GNAS: variants seen among roughly 807,000 people sequenced by gnomAD.
The protein encoded by GNAS is GNAS complex locus, also known as protein ALEX.
GNAS carries 8 observed loss-of-function variants against 54.5 expected under a neutral mutation model. That is an observed-to-expected ratio of 0.15 (90% confidence interval 0.09 to 0.26). The LOEUF (loss-of-function observed/expected upper bound fraction) is 0.26. Ranked by LOEUF, GNAS falls within the 10% of genes least tolerant of loss-of-function variation. GNAS has a pLI of 1.00. For synonymous variants in GNAS, 204 were observed against 191.4 expected, an observed-to-expected ratio of 1.07 and a Z score of -0.54; for missense variants, 170 against 529.8, an observed-to-expected ratio of 0.32 and a Z score of 6.67.
chr20:58,893,650 A>G (rs2089748330), intron 1 of GNAS, among the ~76,000 whole-genome samples: 2 of 152,226 alleles, frequency 1.3e-5, no homozygotes, highest in Admixed American at 6.5e-5. Context: ...TGCATTTGCA[A>G]TTTCAGTAAT....
rs1356755098 is a variant in GNAS, at chr20:58,853,253, C to G, written c.43+12367C>G. Reference sequence around the variant, plus strand: ...GGAGCCCCAAACTTATTTTGAGAGGCCGCCACCGTGTTATGGGCGTGCGCA... The same window carrying G: ...GGAGCCCCAAACTTATTTTGAGAGGGCGCCACCGTGTTATGGGCGTGCGCA... On this transcript the variant is annotated intron_variant, in intron 1 of 12. Coordinates refer to the GNAS transcript ENST00000306090. The surrounding 1 kb of genome is among the most constrained non-coding windows in gnomAD (Gnocchi z 4.4). 6.5e-7 allele frequency: 1 copy of G among 1,528,158 alleles called. No individual in the cohort carries two copies. The highest frequency in any genetic ancestry group is 8.8e-7 in the Non-Finnish European group (1 of 1,132,022). 94.7% of individuals were successfully genotyped at this position (1,528,158 alleles called of 1,614,324 possible). A position where few individuals can be genotyped will look rare whatever the true frequency, so the allele number is the denominator to read the frequency against.
intron 1 of GNAS, among the ~76,000 whole-genome samples, chr20:58,849,084 C>T (rs1312663252): frequency 6.6e-6 from 1 of 152,074 alleles, no homozygotes; most frequent in Non-Finnish European, 1.5e-5. Flanking sequence ...AGATTTTGCC[C>T]CCCAGAGGAC....
rs774711025 is a variant in GNAS at position 58,891,852 on chromosome 20, C to CCTG, written c.136_138dup (p.Leu46dup). On this transcript the variant is annotated inframe_insertion, in exon 1 of 13. Coordinates refer to ENST00000371085, the MANE Select transcript of GNAS (RefSeq NM_000516.7). ...AGCAGGTCTACCGGGCCACGCACCG[C>CCTG]CTGCTGCTGCTGGGTAAGGGCGGGC... The CCTG allele has an allele frequency of 8.1e-7, 1 of 1,231,554 alleles. No individual in the cohort carries two copies. The highest frequency in any genetic ancestry group is 1.1e-6 in the Non-Finnish European group (1 of 947,210). The allele number at this position is 1,231,554 out of a possible 1,614,324, so 76.3% of individuals were successfully genotyped here. A position where few individuals can be genotyped will look rare whatever the true frequency, so the allele number is the denominator to read the frequency against.
chr20:58,891,201 C>T (rs1184214764), upstream of GNAS: 2 of 149,332 alleles, frequency 1.3e-5, no homozygotes, highest in African/African-American at 4.9e-5. Context: ...TCCCCGGGCT[C>T]CCGGGGGGCC....
rs995854794 is a variant in GNAS, at chr20:58,909,510, C to T, written c.660-11C>T. The T allele has an allele frequency of 3.7e-6, 6 of 1,613,974 alleles. No homozygotes were observed. The African/African-American group carries it at 6.7e-5, about 18-fold the overall frequency. Reference sequence around the variant, plus strand: ...CCCTCTGGAATAACCAGCTGTCCTCCTCCCCACCAGCATGTTTGACGTGGG... The same window carrying T: ...CCCTCTGGAATAACCAGCTGTCCTCTTCCCCACCAGCATGTTTGACGTGGG... On this transcript the variant is annotated splice_polypyrimidine_tract_variant and intron_variant, in intron 8 of 12. Transcript: ENST00000371085. This position sits in a 1 kb window ranked among gnomAD's most constrained non-coding sequence, Gnocchi z 7.3.
chr20:58,910,733 C>T lies in GNAS; in HGVS notation c.1089C>T (p.Phe363=), dbSNP rs1428063344. The change falls in exon 13 of 13, where the codon TTC becomes TTT. Residue 363 remains phenylalanine, a synonymous_variant. Transcript: ENST00000371085. The surrounding 1 kb of genome is among the most constrained non-coding windows in gnomAD (Gnocchi z 5.8). ...GDGRHYCYPH[F]TCAVDTENIR... ...GGCGTCACTACTGCTACCCTCATTT[C>T]ACCTGCGCTGTGGACACTGAGAACA... The T allele has an allele frequency of 6.2e-7, 1 of 1,614,142 alleles. No homozygotes were observed. Among genetic ancestry groups the T allele is most frequent in the Admixed American group, 1.7e-5 (1 of 60,026 alleles).
In GNAS at chr20:58,841,874, A is replaced by G; in HGVS notation, c.43+988A>G. The stretch of plus-strand genomic sequence containing the variant: ...GCCCTCGAGATCGTCGCAAGTGGAA[A>G]GGTAAAGCGGAACAAGGGACAGGCT... On this transcript the variant is annotated intron_variant, in intron 1 of 12. Transcript: ENST00000306090. The surrounding 1 kb of genome is among the most constrained non-coding windows in gnomAD (Gnocchi z 5.0). 2.4e-6 allele frequency: 3 copies of G among 1,231,348 alleles called. No homozygotes were observed. The Admixed American group carries it at 1.3e-4, about 52-fold the overall frequency. The allele number at this position is 1,231,348 out of a possible 1,614,324, so 76.3% of individuals were successfully genotyped here.
intron 1 of GNAS, among the ~76,000 whole-genome samples, chr20:58,879,310 A>C (rs2088063537): frequency 6.6e-6 from 1 of 152,240 alleles, no homozygotes; most frequent in African/African-American, 2.4e-5. Flanking sequence ...CCATTCTTTC[A>C]CTTGTAGCTT....
chr20:58,858,941 A>G (rs1279328986), intron 1 of GNAS, among the ~76,000 whole-genome samples: 2 of 152,216 alleles, frequency 1.3e-5, no homozygotes, highest in African/African-American at 2.4e-5. Flanking sequence ...TCAGTCTCCT[A>G]GTAAGATTCA....
At position 58,853,145 on chromosome 20, in the gene GNAS, G is replaced by A. The variant is rs370686819; in HGVS notation, c.43+12259G>A. On this transcript the variant is annotated intron_variant, in intron 1 of 12. Transcript: ENST00000306090. The surrounding 1 kb of genome is among the most constrained non-coding windows in gnomAD (Gnocchi z 4.4). ...CTCACAAGGGTTGGAAAGTGAGGCC[G>A]GTGAACTTTCCAGCTGGTACTTTGA... The A allele has an allele frequency of 3.1e-5, 45 of 1,434,404 alleles. No individual in the cohort carries two copies. In the Middle Eastern group the frequency reaches 7.5e-4, roughly 24 times the overall value. The allele number at this position is 1,434,404 out of a possible 1,614,324, so 88.9% of individuals were successfully genotyped here. A position where few individuals can be genotyped will look rare whatever the true frequency, so the allele number is the denominator to read the frequency against.
chr20:58,909,415 C>T lies in GNAS; in HGVS notation c.651C>T (p.Val217=), dbSNP rs772404963. The change falls in exon 8 of 13, where the codon GTC becomes GTT. Residue 217 remains valine (V), a synonymous_variant. Transcript: ENST00000371085. This position sits in a 1 kb window ranked among gnomAD's most constrained non-coding sequence, Gnocchi z 7.3. ...AGACCAAGTTCCAGGTGGACAAAGT[C>T]AACTTCCAGTAAGCCAACTGTTACC... ...IFETKFQVDK[V]NFHMFDVGGQ... is the part of the protein sequence containing the mutation. The T allele has an allele frequency of 8.1e-6, 13 of 1,613,278 alleles. No homozygotes were observed. In the South Asian group the frequency reaches 1.4e-4, roughly 18 times the overall value.
At chr20:58,840,700 C>T, upstream of GNAS, 1 of 1,603,962 alleles carries the variant, frequency 6.2e-7, no homozygotes, top group South Asian at 1.1e-5. The surrounding 1 kb of genome is among the most constrained non-coding windows in gnomAD (Gnocchi z 6.0). Flanking sequence ...AGCCCGAGGA[C>T]AAAGATCCAA....
At chr20:58,895,401 T>G (rs2146001026) in intron 1 of GNAS, 1 of 567,910 alleles carries the variant, frequency 1.8e-6, no homozygotes, top group East Asian at 3.0e-5. Context: ...GTTTGTTATT[T>G]GGATGGTGAA....
chr20:58,871,546 A>G (rs1204168790), intron 1 of GNAS, among the ~76,000 whole-genome samples: 13 of 143,676 alleles, frequency 9.0e-5, no homozygotes, highest in African/African-American at 3.3e-4. Context: ...CCCGGGAGGC[A>G]GGGTTTGCAG....
rs2086296481 is a variant in GNAS, at chr20:58,853,935, A to G, written c.43+13049A>G. 6.2e-7 allele frequency: 1 copy of G among 1,611,562 alleles called. No homozygotes were observed. Among genetic ancestry groups the G allele is most frequent in the Admixed American group, 1.7e-5 (1 of 59,882 alleles). On this transcript the variant is annotated intron_variant, in intron 1 of 12. Transcript: ENST00000306090. The surrounding 1 kb of genome is among the most constrained non-coding windows in gnomAD (Gnocchi z 4.4). ...CTACAGCCCTCCCCCTGAGGAGACTATGCCATTTGAGCTTGATGGAGAAGG... is the reference window on the plus strand; with the variant it reads ...CTACAGCCCTCCCCCTGAGGAGACTGTGCCATTTGAGCTTGATGGAGAAGG...
Position 58,910,527 on chromosome 20 carries a change from A to G in GNAS, c.1038+126A>G. On this transcript the variant is annotated intron_variant, in intron 12 of 12. Coordinates refer to ENST00000371085, the MANE Select transcript of GNAS (RefSeq NM_000516.7). This position sits in a 1 kb window ranked among gnomAD's most constrained non-coding sequence, Gnocchi z 5.8. The stretch of plus-strand genomic sequence containing the variant: ...CCATGGTTTTAGTTCACGCACATCC[A>G]GTGTGGATTTGAGCTCTTTGCGCCC... 1 of 1,138,152 alleles carries G rather than the reference A, an allele frequency of 8.8e-7. No individual in the cohort carries two copies. Among genetic ancestry groups the G allele is most frequent in the South Asian group, 1.3e-5 (1 of 79,590 alleles). The allele number at this position is 1,138,152 out of a possible 1,614,324, so 70.5% of individuals were successfully genotyped here. A position where few individuals can be genotyped will look rare whatever the true frequency, so the allele number is the denominator to read the frequency against.
rs1175227356 is a variant in GNAS at position 58,855,002 on chromosome 20, C to T, written c.43+14116C>T. 3 of 1,612,620 alleles carry T rather than the reference C, an allele frequency of 1.9e-6. No individual in the cohort carries two copies. The South Asian group carries it at 3.3e-5, about 18-fold the overall frequency. Reference sequence around the variant, plus strand: ...GCAGCGACGATGACTCCAGCGGAGACGAGTCCGACGATGGGACCTCCGGAT... The same window carrying T: ...GCAGCGACGATGACTCCAGCGGAGATGAGTCCGACGATGGGACCTCCGGAT... On this transcript the variant is annotated intron_variant, in intron 1 of 12. Transcript: ENST00000306090.
chr20:58,862,767 C>G (rs1297056445), intron 1 of GNAS, among the ~76,000 whole-genome samples: 1 of 151,666 alleles, frequency 6.6e-6, no homozygotes, highest in Non-Finnish European at 1.5e-5. Context: ...TGTGAAGTCA[C>G]TCTCAGGTGA....
chr20:58,895,744 T>A, intron 2 of GNAS, 60 bp downstream of exon 2: 1 of 986,404 alleles, frequency 1.0e-6, no homozygotes, highest in Non-Finnish European at 1.6e-6. Flanking sequence ...TATACTAACC[T>A]TTAGGAAGTA....
Sources: gnomAD v4.1 joint callset for allele counts (sites outside exome capture counted in the v4.1 genomes callset) on GRCh38, gnomAD v4.1.1 for gene constraint, Gnocchi (gnomAD v3.1) non-coding constraint, MANE v1.5 for transcripts, NCBI Gene and HGNC (gene_info 2026-07-23, HGNC 2026-07-21) for gene names.